Variants in ERAL1 observed in about 807,000 individuals in gnomAD.
The protein encoded by ERAL1 is GTPase Era, mitochondrial.
A neutral mutation model predicts 53.6 loss-of-function variants in ERAL1; 36 were observed. The observed-to-expected ratio is 0.67, with a 90% CI of 0.51 to 0.89. The LOEUF (loss-of-function observed/expected upper bound fraction) is 0.89. Among genes scored for constraint, ERAL1 ranks in the 40% least tolerant of loss-of-function variants. The pLI, the probability that ERAL1 is intolerant of heterozygous loss-of-function variation, is 0.00. For missense variants in ERAL1, 512 were observed against 537.5 expected (o/e 0.95, Z 0.47); for synonymous variants, 215 against 211.8 (o/e 1.02, Z -0.13).
rs746911475 is a variant in ERAL1 at position 28,855,232 on chromosome 17, G to C, written c.198G>C (p.Gln66His). The C allele has an allele frequency of 2.6e-5, 42 of 1,614,102 alleles. No homozygotes were observed. In the South Asian group the frequency reaches 3.6e-4, roughly 14 times the overall value. The change falls in exon 1 of 10, where the codon CAG becomes CAC. Residue 66 changes from glutamine to histidine, a missense_variant. Physicochemically the swap from Gln to His is conservative, Grantham distance 24 (BLOSUM62 0). Transcript: ENST00000254928. ...CCTCGGCTTCTCGCAGTAATGGCCAGGGCTCTGCCCTGGACCACTTCCTCG... is the reference window on the plus strand; with the variant it reads ...CCTCGGCTTCTCGCAGTAATGGCCACGGCTCTGCCCTGGACCACTTCCTCG... ...RLASASRSNGQGSALDHFLGF... is the reference protein window; with the variant it reads ...RLASASRSNGHGSALDHFLGF...
chr17:28,856,813 G>A lies in ERAL1; in HGVS notation c.489+231G>A, dbSNP rs1184557406. The A allele has an allele frequency of 1.6e-5, 7 of 447,630 alleles. No homozygotes were observed. The East Asian group carries it at 1.8e-4, about 12-fold the overall frequency. 27.7% of individuals were successfully genotyped at this position (447,630 alleles called of 1,614,324 possible). Reference sequence around the variant, plus strand: ...TGCAAGCTCCACCTCCCAGGTTGACGCCATTCTCCTGCCTCAGCCTCCTGA... The same window carrying A: ...TGCAAGCTCCACCTCCCAGGTTGACACCATTCTCCTGCCTCAGCCTCCTGA... On this transcript the variant is annotated intron_variant, in intron 3 of 9. Coordinates refer to ENST00000254928, the MANE Select transcript of ERAL1 (RefSeq NM_005702.4).
intron 3 of ERAL1, among the ~76,000 whole-genome samples, chr17:28,857,126 A>T (rs1230784797): frequency 1.4e-4 from 17 of 122,820 alleles, no homozygotes; most frequent in Non-Finnish European, 2.6e-4. Context: ...TTTTTTTTTG[A>T]GATGGAGTTT....
At chr17:28,859,983 A>AT (rs761675441) in intron 9 of ERAL1, among the ~76,000 whole-genome samples, 54 of 144,418 alleles carry the variant, frequency 3.7e-4, no homozygotes, top group South Asian at 2.0e-3. Context: ...TTATTTTTTT[A>AT]TTTTTTTTTT....
At chr17:28,860,090 C>T (rs1449700503) in intron 9 of ERAL1, among the ~76,000 whole-genome samples, 4 of 152,068 alleles carry the variant, frequency 2.6e-5, no homozygotes, top group Non-Finnish European at 5.9e-5. Flanking sequence ...ATTCTCCTGC[C>T]TCAGCCTCCC....
At chr17:28,855,947 A>G (rs1234915142) in intron 1 of ERAL1, among the ~76,000 whole-genome samples, 1 of 152,166 alleles carries the variant, frequency 6.6e-6, no homozygotes, top group East Asian at 1.9e-4. Flanking sequence ...CATTATAATT[A>G]CATGCAGTAA....
chr17:28,859,430 C>T (rs942162990), intron 9 of ERAL1, 147 bp downstream of exon 9: 2 of 777,702 alleles, frequency 2.6e-6, no homozygotes, highest in Non-Finnish European at 4.1e-6. Flanking sequence ...GCTCTGTCAC[C>T]CAGGCTGGAG....
Position 28,860,618 on chromosome 17 carries a change from G to A in ERAL1, c.*65G>A, listed in dbSNP as rs9279. On this transcript the variant is annotated 3_prime_UTR_variant, in exon 10 of 10. Coordinates refer to ENST00000254928, the MANE Select transcript of ERAL1 (RefSeq NM_005702.4). ...CTGCTGGCAGGAACTGACCAGTTCTGTCCTTGGCTGGGGACCCTCCAGGCA... is the reference window on the plus strand; with the variant it reads ...CTGCTGGCAGGAACTGACCAGTTCTATCCTTGGCTGGGGACCCTCCAGGCA... 1 of 1,511,866 alleles carries A rather than the reference G, an allele frequency of 6.6e-7. No homozygotes were observed. Among genetic ancestry groups the A allele is most frequent in the Middle Eastern group, 1.8e-4 (1 of 5,692 alleles). The allele number at this position is 1,511,866 out of a possible 1,614,324, so 93.7% of individuals were successfully genotyped here.
In ERAL1 at chr17:28,857,962, T is replaced by C; in HGVS notation, c.513T>C (p.Ile171=). Residue 171 remains isoleucine, a synonymous_variant, in exon 4 of 10, where the codon ATT becomes ATC. Coordinates refer to ENST00000254928, the MANE Select transcript of ERAL1 (RefSeq NM_005702.4). ...AGATTCTACTTGACACACCTGGCAT[T>C]ATCAGTCCTGGTAAACAGAAGAGGT... ...TQVILLDTPG[I]ISPGKQKRHH... 9 of 1,614,134 alleles carry C rather than the reference T, an allele frequency of 5.6e-6. No homozygotes were observed. Among genetic ancestry groups the C allele is most frequent in the Non-Finnish European group, 7.6e-6 (9 of 1,180,022 alleles).
chr17:28,860,656 A>G lies in ERAL1; in HGVS notation c.*103A>G. ...GACCCTCCAGGCACTGGTGAGAGACATGAACACTGACTGGCCACTAGCTGG... is the reference window on the plus strand; with the variant it reads ...GACCCTCCAGGCACTGGTGAGAGACGTGAACACTGACTGGCCACTAGCTGG... On this transcript the variant is annotated 3_prime_UTR_variant, in exon 10 of 10. Coordinates refer to ENST00000254928, the MANE Select transcript of ERAL1 (RefSeq NM_005702.4). 7.1e-7 allele frequency: 1 copy of G among 1,404,884 alleles called. No homozygotes were observed. The highest frequency in any genetic ancestry group is 9.4e-7 in the Non-Finnish European group (1 of 1,063,888). The allele number at this position is 1,404,884 out of a possible 1,614,324, so 87.0% of individuals were successfully genotyped here.
intron 1 of ERAL1, among the ~76,000 whole-genome samples, chr17:28,855,701 G>A (rs922657453): frequency 6.6e-6 from 1 of 151,618 alleles, no homozygotes; most frequent in South Asian, 2.1e-4. Context: ...ACACAAACTG[G>A]TCATTGCAAA....
intron 3 of ERAL1, among the ~76,000 whole-genome samples, chr17:28,857,554 C>A (rs1273186026): frequency 3.3e-5 from 5 of 151,798 alleles, no homozygotes; most frequent in Admixed American, 2.0e-4. Context: ...CTTTGGGAGG[C>A]CAAAGCAGGC....
chr17:28,860,256 C>T (rs1281938434), intron 9 of ERAL1, among the ~76,000 whole-genome samples, 175 bp from the exon 10 acceptor site: 2 of 152,190 alleles, frequency 1.3e-5, no homozygotes, highest in African/African-American at 4.8e-5. Context: ...GGATTACAGG[C>T]GTGAGCCACT....
rs948553434 is a variant in ERAL1, at chr17:28,860,796, G to A, written c.*243G>A. The A allele has an allele frequency of 3.1e-6, 1 of 327,572 alleles. No homozygotes were observed. Among genetic ancestry groups the A allele is most frequent in the Non-Finnish European group, 5.5e-6 (1 of 182,104 alleles). 20.3% of individuals were successfully genotyped at this position (327,572 alleles called of 1,614,324 possible). A position where few individuals can be genotyped will look rare whatever the true frequency, so the allele number is the denominator to read the frequency against. On this transcript the variant is annotated 3_prime_UTR_variant, in exon 10 of 10. Transcript: ENST00000254928. The stretch of plus-strand genomic sequence containing the variant: ...CTCTGCCTGGCACCACAGCTACAAA[G>A]GTGTAGCTAAGAAGATGGCCCATTG...
rs202244599 is a variant in ERAL1 at position 28,858,469 on chromosome 17, G to A, written c.694G>A (p.Val232Ile). 6.2e-7 allele frequency: 1 copy of A among 1,614,116 alleles called. No homozygotes were observed. The highest frequency in any genetic ancestry group is 1.3e-5 in the African/African-American group (1 of 75,024). ...GACCAAGTACTCCCAGATCCCTAGT[G>A]TCCTGGTCATGAACAAGGTGAGCAC... ...CLTKYSQIPS[V>I]LVMNKVDCLK... Residue 232 changes from valine (V) to isoleucine (I), a missense_variant, in exon 6 of 10, where the codon GTC (valine) becomes ATC (isoleucine). Transcript: ENST00000254928.
Position 28,858,696 on chromosome 17 carries a change from T to G in ERAL1, c.832T>G (p.Cys278Gly), listed in dbSNP as rs558388003. ...QAFHSHPGTH[C>G]PSPAVKDPNT... ...CTTCCACTCACACCCTGGCACCCAT[T>G]GCCCCAGCCCAGCAGTTAAGGACCC... The change falls in exon 7 of 10, where the codon TGC becomes GGC. Residue 278 changes from cysteine to glycine, a missense_variant. Physicochemically the swap from Cys to Gly is radical, Grantham distance 159. Transcript: ENST00000254928. The G allele has an allele frequency of 6.2e-7, 1 of 1,614,222 alleles. No individual in the cohort carries two copies. Among genetic ancestry groups the G allele is most frequent in the South Asian group, 1.1e-5 (1 of 91,082 alleles).
At position 28,858,957 on chromosome 17, in the gene ERAL1, C is replaced by G; in HGVS notation, c.961-7C>G. 1 of 1,613,960 alleles carries G rather than the reference C, an allele frequency of 6.2e-7. No individual in the cohort carries two copies. The highest frequency in any genetic ancestry group is 8.5e-7 in the Non-Finnish European group (1 of 1,180,020). On this transcript the variant is annotated splice_polypyrimidine_tract_variant and splice_region_variant and intron_variant, in intron 7 of 9. Transcript: ENST00000254928. ...AAGATGCCCATCTATTCCCTCTGTT[C>G]CCACAGCAATACCTTCTGACACAGG...
chr17:28,855,675 C>T (rs1211699937), intron 1 of ERAL1, among the ~76,000 whole-genome samples: 1 of 151,846 alleles, frequency 6.6e-6, no homozygotes, highest in Non-Finnish European at 1.5e-5. Context: ...AAACAGTGTC[C>T]GGTATTGGAG....
rs750796585 is a variant in ERAL1, at chr17:28,858,632, A to C, written c.768A>C (p.Glu256Asp). 2 of 1,614,188 alleles carry C rather than the reference A, an allele frequency of 1.2e-6. No homozygotes were observed. Among genetic ancestry groups the C allele is most frequent in the South Asian group, 2.2e-5 (2 of 91,082 alleles). Reference protein sequence around the residue: ...VLLELTAALTEGVVNGKKLKM... With the variant: ...VLLELTAALTDGVVNGKKLKM... ...TGGAGCTCACGGCAGCCCTCACTGA[A>C]GGTGTGGTCAATGGCAAAAAGCTCA... Residue 256 changes from glutamate (E) to aspartate (D), a missense_variant, in exon 7 of 10, where the codon GAA (glutamate) becomes GAC (aspartate). Transcript: ENST00000254928.
At position 28,855,219 on chromosome 17, in the gene ERAL1, G is replaced by C. The variant is rs1434939478; in HGVS notation, c.185G>C (p.Arg62Pro). Residue 62 changes from arginine (R) to proline (P), a missense_variant, in exon 1 of 10, where the codon CGC becomes CCC. Arg to Pro is a moderately radical substitution (Grantham distance 103, BLOSUM62 -2). Transcript: ENST00000254928. Reference sequence around the variant, plus strand: ...GGTCCCCGCTTGGCCTCGGCTTCTCGCAGTAATGGCCAGGGCTCTGCCCTG... The same window carrying C: ...GGTCCCCGCTTGGCCTCGGCTTCTCCCAGTAATGGCCAGGGCTCTGCCCTG... ...FSGPRLASASRSNGQGSALDH... is the reference protein window; with the variant it reads ...FSGPRLASASPSNGQGSALDH... 1.4e-5 allele frequency: 23 copies of C among 1,614,114 alleles called. No homozygotes were observed. The highest frequency in any genetic ancestry group is 1.9e-5 in the Non-Finnish European group (22 of 1,180,058).
Sources: gnomAD v4.1 joint callset for allele counts (sites outside exome capture counted in the v4.1 genomes callset) on GRCh38, gnomAD v4.1.1 for gene constraint, MANE v1.5 for transcripts, NCBI Gene and HGNC (gene_info 2026-07-23, HGNC 2026-07-21) for gene names.